The following PTPRD variants were observed in gnomAD, a reference collection of about 807,000 sequenced individuals.
PTPRD encodes protein tyrosine phosphatase receptor type D.
In PTPRD, 34 loss-of-function variants were observed where a neutral mutation model predicts 214.5. The observed-to-expected ratio is 0.16, with a 90% CI of 0.12 to 0.21. The LOEUF is 0.21. PTPRD is among the 10% of genes least tolerant of loss of function. PTPRD has a pLI of 1.00. For synonymous variants in PTPRD, 1,128 were observed against 845.7 expected, an observed-to-expected ratio of 1.33 and a Z score of -5.79; for missense variants, 2,545 against 2,398.7, an observed-to-expected ratio of 1.06 and a Z score of -1.27.
intron 44 of PTPRD, among the ~76,000 whole-genome samples, chr9:8,321,550 C>T (rs1368249626): frequency 1.6e-5 from 2 of 123,564 alleles, no homozygotes; most frequent in South Asian, 2.7e-4. Flanking sequence ...ATCGCAATTC[C>T]TTTAGCATTA....
chr9:9,520,418 G>A (rs971609761), intron 8 of PTPRD, among the ~76,000 whole-genome samples: 1 of 151,692 alleles, frequency 6.6e-6, no homozygotes, highest in South Asian at 2.1e-4. Context: ...TACATGAACA[G>A]TTAATAACAT....
At chr9:10,219,349 C>A (rs967865512) in intron 3 of PTPRD, among the ~76,000 whole-genome samples, 8 of 151,844 alleles carry the variant, frequency 5.3e-5, no homozygotes, top group Non-Finnish European at 1.2e-4. Context: ...CTGCTCCACA[C>A]CTGCTCTTAC....
intron 9 of PTPRD, among the ~76,000 whole-genome samples, chr9:9,391,562 T>C (rs182900613): frequency 1.3e-4 from 20 of 152,302 alleles, no homozygotes; most frequent in Admixed American, 1.2e-3. Context: ...TGTACAATTA[T>C]CTGTTTTGCA....
chr9:8,774,681 T>A (rs2095395759), intron 11 of PTPRD, among the ~76,000 whole-genome samples: 1 of 151,808 alleles, frequency 6.6e-6, no homozygotes, highest in Non-Finnish European at 1.5e-5. Flanking sequence ...ATTACAGGCA[T>A]GCGCCACCAC....
At chr9:8,535,235 G>T (rs1302561414) in intron 14 of PTPRD, among the ~76,000 whole-genome samples, 1 of 151,846 alleles carries the variant, frequency 6.6e-6, no homozygotes, top group Non-Finnish European at 1.5e-5. Context: ...GGGATCAGAG[G>T]CATGTGACTC....
At chr9:8,936,451 G>C (rs115125752) in intron 11 of PTPRD, among the ~76,000 whole-genome samples, 5,017 of 76,682 alleles carry the variant, frequency 0.065, 367 homozygotes, top group African/African-American at 0.2. Flanking sequence ...AAAAAAAAAA[G>C]AAGATGAAAA....
chr9:9,191,700 C>G (rs891399937), intron 9 of PTPRD, among the ~76,000 whole-genome samples: 1 of 151,952 alleles, frequency 6.6e-6, no homozygotes, highest in Non-Finnish European at 1.5e-5. Context: ...ATATGGTGCA[C>G]TATGTGAACC....
At chr9:8,870,201 A>C (rs989730083) in intron 11 of PTPRD, among the ~76,000 whole-genome samples, 1 of 152,074 alleles carries the variant, frequency 6.6e-6, no homozygotes, top group Non-Finnish European at 1.5e-5. Context: ...AAATTATATT[A>C]GAACAGCATA....
chr9:10,135,197 TAAAC>T (rs1592049501), intron 3 of PTPRD, among the ~76,000 whole-genome samples: 1 of 152,040 alleles, frequency 6.6e-6, no homozygotes, highest in African/African-American at 2.4e-5. Context: ...TGTTTAGAAA[TAAAC>T]AAAACCTTTG....
At chr9:8,693,443 C>A (rs747928495) in intron 12 of PTPRD, among the ~76,000 whole-genome samples, 1 of 152,166 alleles carries the variant, frequency 6.6e-6, no homozygotes, top group Non-Finnish European at 1.5e-5. Flanking sequence ...AACTCATGGC[C>A]AAATATAGGC....
At chr9:8,510,808 T>A (rs970801071) in intron 21 of PTPRD, among the ~76,000 whole-genome samples, 1 of 152,140 alleles carries the variant, frequency 6.6e-6, no homozygotes, top group East Asian at 1.9e-4. Context: ...GGAATTTTTT[T>A]AAATAAGGTA....
chr9:10,427,211 G>T (rs2098630379), intron 2 of PTPRD, among the ~76,000 whole-genome samples: 1 of 151,846 alleles, frequency 6.6e-6, no homozygotes, highest in African/African-American at 2.4e-5. Context: ...CATGCTTTTG[G>T]CCAGGATTTA....
intron 2 of PTPRD, among the ~76,000 whole-genome samples, chr9:10,435,482 T>A (rs1006211401): frequency 6.6e-6 from 1 of 151,870 alleles, no homozygotes; most frequent in Admixed American, 6.6e-5. Context: ...AGAGCCAGTT[T>A]TACAGTCTGA....
chr9:9,831,435 T>C (rs1402528701), intron 5 of PTPRD, among the ~76,000 whole-genome samples: 2 of 151,916 alleles, frequency 1.3e-5, no homozygotes, highest in Non-Finnish European at 2.9e-5. Context: ...TTGGAAAGAG[T>C]TATACCCTGA....
At chr9:9,333,527 A>ATATATATATATATATATAT (rs1569567453) in intron 9 of PTPRD, among the ~76,000 whole-genome samples, 14 of 124,058 alleles carry the variant, frequency 1.1e-4, no homozygotes, top group African/African-American at 6.7e-4. Context: ...TATATATATA[A>ATATATATATATATATATAT]AGTCTGCAAT....
chr9:9,074,541 T>C (rs1173972684), intron 10 of PTPRD, among the ~76,000 whole-genome samples: 1 of 152,026 alleles, frequency 6.6e-6, no homozygotes, highest in Non-Finnish European at 1.5e-5. Flanking sequence ...AATTTGGGAG[T>C]GAAATATAGA....
At chr9:10,028,534 A>C (rs556419807) in intron 4 of PTPRD, among the ~76,000 whole-genome samples, 20 of 152,280 alleles carry the variant, frequency 1.3e-4, no homozygotes, top group South Asian at 6.2e-4. Flanking sequence ...AATGATATGG[A>C]TAATGAAATC....
At chr9:9,854,385 A>G (rs2061137321) in intron 5 of PTPRD, among the ~76,000 whole-genome samples, 1 of 152,096 alleles carries the variant, frequency 6.6e-6, no homozygotes, top group African/African-American at 2.4e-5. Context: ...AGCATTGGGA[A>G]TTTCTTCTGC....
chr9:9,809,247 G>T (rs931141242), intron 5 of PTPRD, among the ~76,000 whole-genome samples: 2 of 151,358 alleles, frequency 1.3e-5, no homozygotes, highest in African/African-American at 4.9e-5. Context: ...GCAGATAAAG[G>T]GCCTTAGCCA....
Sources: gnomAD v4.1 joint callset for allele counts (sites outside exome capture counted in the v4.1 genomes callset) on GRCh38, gnomAD v4.1.1 for gene constraint, MANE v1.5 for transcripts, NCBI Gene and HGNC (gene_info 2026-07-23, HGNC 2026-07-21) for gene names.